The following NRXN3 variants were observed in gnomAD, a reference collection of about 807,000 sequenced individuals.
NRXN3 encodes neurexin 3.
Under a neutral mutation model 137.6 loss-of-function variants are expected in NRXN3, and 32 were observed. The observed-to-expected ratio is 0.23, with a 90% confidence interval of 0.18 to 0.31. The LOEUF (loss-of-function observed/expected upper bound fraction) is 0.31. Among genes scored for constraint, NRXN3 ranks in the 10% least tolerant of loss-of-function variants. The pLI, the probability that NRXN3 is intolerant of heterozygous loss-of-function variation, is 1.00. For synonymous variants in NRXN3, 798 were observed against 784.5 expected (o/e 1.02, Z -0.29); for missense variants, 1,574 against 2,062.5 (o/e 0.76, Z 4.59).
intron 4 of NRXN3, among the ~76,000 whole-genome samples, chr14:78,434,258 C>T (rs2093987412): frequency 2.0e-5 from 3 of 152,136 alleles, no homozygotes; most frequent in Non-Finnish European, 2.9e-5. Flanking sequence ...AGTCAGGGAC[C>T]GTCTGTATTG....
chr14:79,171,288 G>C (rs2061753285), intron 15 of NRXN3, among the ~76,000 whole-genome samples: 1 of 152,098 alleles, frequency 6.6e-6, no homozygotes, highest in African/African-American at 2.4e-5. Flanking sequence ...TTCCGTGAGG[G>C]TTATATACCC....
chr14:78,639,576 T>C (rs1016640761), intron 4 of NRXN3, among the ~76,000 whole-genome samples: 2 of 152,204 alleles, frequency 1.3e-5, no homozygotes, highest in Non-Finnish European at 2.9e-5. Flanking sequence ...CTCCCCTACT[T>C]GCCTGCTTTG....
intron 1 of NRXN3, among the ~76,000 whole-genome samples, chr14:78,207,074 G>C (rs1307602594): frequency 6.6e-6 from 1 of 152,002 alleles, no homozygotes; most frequent in Non-Finnish European, 1.5e-5. Context: ...ATGTTGGCCA[G>C]GCTGGTCTCG....
chr14:79,016,977 T>C (rs2152423863), intron 15 of NRXN3, among the ~76,000 whole-genome samples: 1 of 152,252 alleles, frequency 6.6e-6, no homozygotes, highest in Middle Eastern at 3.4e-3. Context: ...CAGACAGCAG[T>C]AAACCCTGTG....
intron 8 of NRXN3, among the ~76,000 whole-genome samples, chr14:78,786,497 A>G (rs1466924015): frequency 1.3e-5 from 2 of 152,150 alleles, no homozygotes; most frequent in Non-Finnish European, 2.9e-5. Flanking sequence ...TAGAGTTGTG[A>G]GATTTCTCTT....
chr14:78,966,387 G>A lies in NRXN3; in HGVS notation c.2758G>A (p.Ala920Thr), dbSNP rs1443914868. ...TAGTGGTGATGGCAATGACTTCATT[G>A]CAGTCGAGCTTGTCAAGGGGTAAGT... is the stretch of plus-strand genomic sequence containing the variant. The part of the protein sequence containing the change: ...FNSGDGNDFI[A>T]VELVKGYIHY... The change falls in exon 12 of 21, where the codon GCA (alanine) becomes ACA (threonine). Residue 920 changes from alanine (A) to threonine (T), a missense_variant. Ala to Thr is a moderately conservative substitution (Grantham distance 58). Transcript: ENST00000335750. 2 of 1,612,786 alleles carry A rather than the reference G, an allele frequency of 1.2e-6. No homozygotes were observed. Among genetic ancestry groups the A allele is most frequent in the East Asian group, 4.5e-5 (2 of 44,832 alleles).
chr14:79,633,398 A>T (rs2098376358), intron 16 of NRXN3: 1 of 151,960 alleles, frequency 6.6e-6, no homozygotes, highest in Non-Finnish European at 1.5e-5. Context: ...CACCTGTCTC[A>T]CTCTGCCTTG....
intron 6 of NRXN3, among the ~76,000 whole-genome samples, chr14:78,657,046 CAAAAAAAAA>C (rs1174872709): frequency 6.4e-5 from 2 of 31,056 alleles, no homozygotes; most frequent in African/African-American, 1.1e-4. Flanking sequence ...GACTCCGTCT[CAAAAAAAAA>C]AAAAAAAAAA....
At chr14:79,132,515 A>T (rs1360512696) in intron 15 of NRXN3, among the ~76,000 whole-genome samples, 4 of 152,204 alleles carry the variant, frequency 2.6e-5, no homozygotes, top group Non-Finnish European at 5.9e-5. Context: ...ATTAAAGTTA[A>T]TTATACCTAT....
chr14:78,223,331 C>A (rs1004062188), intron 1 of NRXN3, among the ~76,000 whole-genome samples: 1 of 152,142 alleles, frequency 6.6e-6, no homozygotes, highest in African/African-American at 2.4e-5. Flanking sequence ...TTTCTTTTCT[C>A]TTTTTGCCTT....
In NRXN3 at chr14:79,273,070, G is replaced by C. The variant is rs1442336556; in HGVS notation, c.3263-194151G>C. On this transcript the variant is annotated intron_variant, in intron 15 of 20. Transcript: ENST00000335750. ...GCCTGTAATTCCCGCTACTCGGGAG[G>C]ATGAAAAAGGAGAATTGCTTGAACC... 3.3e-5 allele frequency among the ~76,000 whole-genome samples: 5 copies of C among 149,988 alleles called. No individual in the cohort carries two copies. The Admixed American group carries it at 3.3e-4, about 10-fold the overall frequency.
chr14:78,591,523 C>T (rs922401145), intron 4 of NRXN3, among the ~76,000 whole-genome samples: 2 of 152,210 alleles, frequency 1.3e-5, no homozygotes, highest in South Asian at 4.2e-4. Flanking sequence ...CTAAGACTCA[C>T]AATTATGTCA....
intron 16 of NRXN3, among the ~76,000 whole-genome samples, chr14:79,632,986 A>G (rs925293071): frequency 3.9e-5 from 6 of 152,132 alleles, no homozygotes; most frequent in Non-Finnish European, 7.3e-5. Context: ...TATGCAGCAG[A>G]TGTTATTACC....
intron 16 of NRXN3, among the ~76,000 whole-genome samples, chr14:79,497,478 G>A (rs914811118): frequency 6.6e-6 from 1 of 151,858 alleles, no homozygotes; most frequent in Non-Finnish European, 1.5e-5. Flanking sequence ...TATTTTATCT[G>A]CCTTTCTTCC....
At chr14:78,641,847 G>C (rs1235380234) in intron 4 of NRXN3, among the ~76,000 whole-genome samples, 1 of 152,186 alleles carries the variant, frequency 6.6e-6, no homozygotes, top group East Asian at 1.9e-4. Flanking sequence ...CATGTGATTT[G>C]CATAGGCCTT....
chr14:79,084,826 G>C (rs1015967205), intron 15 of NRXN3, among the ~76,000 whole-genome samples: 3 of 152,106 alleles, frequency 2.0e-5, no homozygotes, highest in African/African-American at 7.2e-5. Context: ...TCTGCTTACT[G>C]TTCTGGTTTA....
chr14:78,177,419 A>C (rs912920781), intron 1 of NRXN3, among the ~76,000 whole-genome samples: 2 of 151,786 alleles, frequency 1.3e-5, no homozygotes, highest in Non-Finnish European at 2.9e-5. Flanking sequence ...AGAAAATTGG[A>C]TTCTGAGAAG....
chr14:78,450,238 GT>G (rs2094519827), intron 4 of NRXN3, among the ~76,000 whole-genome samples: 1 of 152,046 alleles, frequency 6.6e-6, no homozygotes, highest in Non-Finnish European at 1.5e-5. Context: ...TGAGAAAAGT[GT>G]TTTCATTTTT....
intron 4 of NRXN3, among the ~76,000 whole-genome samples, chr14:78,529,951 G>T (rs985284269): frequency 6.6e-6 from 1 of 152,180 alleles, no homozygotes; most frequent in Non-Finnish European, 1.5e-5. Context: ...ATAGTTCTCT[G>T]CTGTACAAAT....
Sources: allele counts gnomAD v4.1 joint callset (sites outside exome capture counted in the v4.1 genomes callset), GRCh38; gene constraint gnomAD v4.1.1; transcripts MANE v1.5; gene names NCBI Gene and HGNC (gene_info 2026-07-23, HGNC 2026-07-21).